PREPL: variants seen among roughly 807,000 people sequenced by gnomAD.
The protein encoded by PREPL is prolyl endopeptidase-like.
Under a neutral mutation model 70.6 loss-of-function variants are expected in PREPL, and 77 were observed. The ratio of observed to expected loss-of-function variants is 1.09; its 90% confidence interval spans 0.91 to 1.32. The LOEUF (loss-of-function observed/expected upper bound fraction) is 1.32. Among genes scored for constraint, PREPL ranks in the 40% most tolerant of loss-of-function variants. PREPL has a pLI of 0.00. For synonymous variants in PREPL, 315 were observed against 264.8 expected (o/e 1.19, Z -1.84); for missense variants, 1,002 against 778.2 (o/e 1.29, Z -3.42).
intron 1 of PREPL, among the ~76,000 whole-genome samples, chr2:44,355,242 A>T (rs1676899685): frequency 6.6e-6 from 1 of 152,176 alleles, no homozygotes; most frequent in Admixed American, 6.5e-5. Context: ...TTCCATTAAG[A>T]TGTCTCAAAT....
rs751987330 is a variant in PREPL, at chr2:44,332,514, T to G, written c.1031A>C (p.His344Pro). The change falls in exon 8 of 14, where the codon CAT (histidine) becomes CCT (proline). Residue 344 changes from histidine (H) to proline (P), a missense_variant. By Grantham distance (77) the His-to-Pro change is moderately conservative. Transcript: ENST00000409411. ...ACTAGTCTTTGTGATTGGGTCTTCATGCCCAGTTTCCTCAAACAGTTTGCC... is the reference window on the plus strand; with the variant it reads ...ACTAGTCTTTGTGATTGGGTCTTCAGGCCCAGTTTCCTCAAACAGTTTGCC... The part of the protein sequence containing the change: ...AEGKLFEETG[H>P]EDPITKTSRV... 6.2e-7 allele frequency: 1 copy of G among 1,614,182 alleles called. No individual in the cohort carries two copies.
intron 1 of PREPL, among the ~76,000 whole-genome samples, chr2:44,355,754 T>TATATATATATATATAC (rs1676967919): frequency 1.3e-5 from 1 of 78,782 alleles, no homozygotes; most frequent in African/African-American, 8.0e-5. Flanking sequence ...CTACATATTA[T>TATATATATATATATAC]ATATATATAT....
At position 44,342,379 on chromosome 2, in the gene PREPL, G is replaced by T. The variant is rs113162048; in HGVS notation, c.485+38C>A. 1.0e-3 allele frequency: 1,544 copies of T among 1,550,578 alleles called. 1 individual carries two copies. The highest frequency in any genetic ancestry group is 6.5e-3 in the Middle Eastern group (37 of 5,698). On this transcript the variant is annotated intron_variant, in intron 5 of 13. Transcript: ENST00000409411. ...CAGTACTTTAAATAACTGGAGGAAG[G>T]TTCTGGAGAGAAAGATTTAATTATA...
At position 44,343,961 on chromosome 2, in the gene PREPL, GA is replaced by G. The variant is rs1558508562; in HGVS notation, c.143-11del. The G allele has an allele frequency of 5.6e-6, 9 of 1,609,242 alleles. No homozygotes were observed. Among genetic ancestry groups the G allele is most frequent in the Admixed American group, 5.1e-5 (3 of 58,976 alleles). On this transcript the variant is annotated splice_polypyrimidine_tract_variant and intron_variant, in intron 3 of 13. Coordinates refer to ENST00000409411, the MANE Select transcript of PREPL (RefSeq NM_001171613.2). Reference sequence around the variant, plus strand: ...TAATTATCATTGTCTGCTGTATAAAGAAAAATACGAAAGTGATAACTTCAAA... The same window carrying G: ...TAATTATCATTGTCTGCTGTATAAAGAAAATACGAAAGTGATAACTTCAAA...
At position 44,322,838 on chromosome 2, in the gene PREPL, T is replaced by A. The variant is rs769366255; in HGVS notation, c.1646A>T (p.His549Leu). Residue 549 changes from histidine (H) to leucine (L), a missense_variant, in exon 12 of 14, where the codon CAC (histidine) becomes CTC (leucine). Coordinates refer to ENST00000409411, the MANE Select transcript of PREPL (RefSeq NM_001171613.2). ...NIKPQHYPSI[H>L]ITAYENDERV... is the part of the protein sequence containing the mutation. ...TTCATCGTTTTCATATGCCGTTATG[T>A]GAATTGAAGGATAATGCTGAAAGAA... 4.3e-6 allele frequency: 7 copies of A among 1,613,634 alleles called. No individual in the cohort carries two copies. The highest frequency in any genetic ancestry group is 5.9e-6 in the Non-Finnish European group (7 of 1,179,744).
At position 44,321,025 on chromosome 2, in the gene PREPL, G is replaced by A. The variant is rs1158597301; in HGVS notation, c.*331C>T. 5.2e-6 allele frequency: 2 copies of A among 387,166 alleles called. No individual in the cohort carries two copies. The highest frequency in any genetic ancestry group is 9.5e-6 in the Non-Finnish European group (2 of 211,560). 24.0% of individuals were successfully genotyped at this position (387,166 alleles called of 1,614,324 possible). A position where few individuals can be genotyped will look rare whatever the true frequency, so the allele number is the denominator to read the frequency against. ...AAAAGCATTTGCTAGCAAAGAGGCA[G>A]GACACTAATTTGTAAACTGCTCAAC... On this transcript the variant is annotated 3_prime_UTR_variant, in exon 14 of 14. Coordinates refer to ENST00000409411, the MANE Select transcript of PREPL (RefSeq NM_001171613.2).
intron 8 of PREPL, among the ~76,000 whole-genome samples, chr2:44,329,790 C>T (rs1470068435): frequency 2.0e-5 from 3 of 152,162 alleles, no homozygotes; most frequent in African/African-American, 7.2e-5. Context: ...CCCAATGTAG[C>T]TCAAACTCAT....
At chr2:44,359,583 T>C (rs768976013) in intron 1 of PREPL, 1 of 1,612,786 alleles carries the variant, frequency 6.2e-7, no homozygotes, top group South Asian at 1.1e-5. Context: ...AGGTGATATT[T>C]TTTCAATTTT....
Position 44,332,444 on chromosome 2 carries a change from G to T in PREPL, c.1086+15C>A. On this transcript the variant is annotated intron_variant, in intron 8 of 13. Coordinates refer to ENST00000409411, the MANE Select transcript of PREPL (RefSeq NM_001171613.2). The stretch of plus-strand genomic sequence containing the variant: ...TCAGTAAATGGGAGCTGAAAGTGAA[G>T]ATTATAAGACCTACCTTGCTTTTGG... 1.3e-6 allele frequency: 2 copies of T among 1,598,538 alleles called. No homozygotes were observed. The highest frequency in any genetic ancestry group is 1.7e-6 in the Non-Finnish European group (2 of 1,166,808).
Position 44,343,887 on chromosome 2 carries a change from A to G in PREPL, c.207T>C (p.Ile69=), listed in dbSNP as rs1406082682. The change falls in exon 4 of 14, where the codon ATT becomes ATC. Residue 69 remains isoleucine, a synonymous_variant. Coordinates refer to ENST00000409411, the MANE Select transcript of PREPL (RefSeq NM_001171613.2). ...LEELKLDQPF[I]DCIRVAPDEK... Reference sequence around the variant, plus strand: ...CATCTGGAGCAACTCTGATACAATCAATGAAGGGCTGGTCTAACTTAAGTT... The same window carrying G: ...CATCTGGAGCAACTCTGATACAATCGATGAAGGGCTGGTCTAACTTAAGTT... 1 of 1,614,002 alleles carries G rather than the reference A, an allele frequency of 6.2e-7. No homozygotes were observed. The highest frequency in any genetic ancestry group is 2.2e-5 in the East Asian group (1 of 44,892).
chr2:44,329,968 T>C (rs1476100527), intron 8 of PREPL, among the ~76,000 whole-genome samples: 2 of 152,218 alleles, frequency 1.3e-5, no homozygotes, highest in East Asian at 3.8e-4. Context: ...TCACTCTTCA[T>C]ATTTTCATTC....
At position 44,317,743 on chromosome 2, in the gene PREPL, A is replaced by T. The variant is rs1477915343; in HGVS notation, c.*3613T>A. On this transcript the variant is annotated 3_prime_UTR_variant, in exon 14 of 14. Transcript: ENST00000409411. ...GAATACTAGAAGAAAAAAATTATAC[A>T]GTCAATCCAACAAAAAGCTTAATAG... 1 of 152,426 alleles carries T rather than the reference A, an allele frequency of 6.6e-6. No homozygotes were observed. Among genetic ancestry groups the T allele is most frequent in the African/African-American group, 2.4e-5 (1 of 41,438 alleles). 9.4% of individuals were successfully genotyped at this position (152,426 alleles called of 1,614,324 possible).
chr2:44,332,371 G>A, intron 8 of PREPL, 88 bp downstream of exon 8: 1 of 1,156,070 alleles, frequency 8.6e-7, no homozygotes, highest in East Asian at 2.4e-5. Context: ...AGGAAACCGT[G>A]CTAATGTAAC....
intron 9 of PREPL, among the ~76,000 whole-genome samples, chr2:44,327,158 C>T (rs1353629529): frequency 1.3e-5 from 2 of 152,128 alleles, no homozygotes; most frequent in Non-Finnish European, 2.9e-5. Flanking sequence ...TTTGCCAACT[C>T]CTGATATAGA....
chr2:44,349,158 C>T (rs1676133983), intron 1 of PREPL, among the ~76,000 whole-genome samples: 1 of 152,200 alleles, frequency 6.6e-6, no homozygotes, highest in Non-Finnish European at 1.5e-5. Context: ...TATGTGTTAA[C>T]TTTATCATGG....
At chr2:44,335,477 G>A (rs1014674887) in intron 7 of PREPL, among the ~76,000 whole-genome samples, 3 of 152,124 alleles carry the variant, frequency 2.0e-5, no homozygotes, top group Non-Finnish European at 2.9e-5. Context: ...TTTGGCACCA[G>A]TTAACATGTA....
chr2:44,342,634 T>C (rs1675357068), intron 4 of PREPL, 82 bp from the exon 5 acceptor site: 4 of 1,140,184 alleles, frequency 3.5e-6, no homozygotes, highest in Non-Finnish European at 5.0e-6. Context: ...CATTCTAATT[T>C]TGAATGCCAG....
intron 3 of PREPL, 150 bp downstream of exon 3, chr2:44,344,370 A>AACCC: frequency 1.5e-6 from 1 of 647,068 alleles, no homozygotes. Context: ...ATCTTACACA[A>AACCC]ACCCAGATAT....
chr2:44,328,824 T>C (rs1349373103), intron 9 of PREPL, 113 bp downstream of exon 9: 4 of 1,128,630 alleles, frequency 3.5e-6, no homozygotes, highest in Non-Finnish European at 5.0e-6. Context: ...AATACAAAAA[T>C]TGAATAATAA....
Sources: allele counts gnomAD v4.1 joint callset (sites outside exome capture counted in the v4.1 genomes callset), GRCh38; gene constraint gnomAD v4.1.1; transcripts MANE v1.5; gene names NCBI Gene and HGNC (gene_info 2026-07-23, HGNC 2026-07-21).